Variants in ARHGAP18 observed in about 807,000 individuals in gnomAD.
The protein encoded by ARHGAP18 is rho GTPase-activating protein 18.
In ARHGAP18, 67 loss-of-function variants were observed where a neutral mutation model predicts 86.2. The ratio of observed to expected loss-of-function variants is 0.78; its 90% CI spans 0.64 to 0.95. The LOEUF (loss-of-function observed/expected upper bound fraction) is 0.95. Among genes scored for constraint, ARHGAP18 ranks in the 40% least tolerant of loss-of-function variants. ARHGAP18 has a pLI of 0.00. For synonymous variants in ARHGAP18, 283 were observed against 280.4 expected, an observed-to-expected ratio of 1.01 and a Z score of -0.09; for missense variants, 691 against 780.4, an observed-to-expected ratio of 0.89 and a Z score of 1.37.
At chr6:129,639,968 C>G (rs1050461585) in intron 2 of ARHGAP18, among the ~76,000 whole-genome samples, 13 of 144,190 alleles carry the variant, frequency 9.0e-5, no homozygotes, top group African/African-American at 3.4e-4. Flanking sequence ...TCTCTTGAAC[C>G]TGGGAGGCAG....
intron 1 of ARHGAP18, among the ~76,000 whole-genome samples, chr6:129,709,416 A>G (rs1463986898): frequency 6.6e-6 from 1 of 152,176 alleles, no homozygotes; most frequent in African/African-American, 2.4e-5. Context: ...ACCACATTTC[A>G]CTCCAGCAGC....
intron 5 of ARHGAP18, among the ~76,000 whole-genome samples, chr6:129,627,209 A>C (rs943080002): frequency 2.6e-5 from 4 of 152,174 alleles, no homozygotes; most frequent in African/African-American, 9.7e-5. Context: ...GAAAACTGTT[A>C]ATAAGTCAAC....
In ARHGAP18 at chr6:129,599,428, TA is replaced by T. The variant is rs1288721833; in HGVS notation, c.1573-73del. On this transcript the variant is annotated intron_variant, in intron 11 of 14. Transcript: ENST00000368149. ...CATTTTAAACTACAAAAAAAAATTA[TA>T]TTTTTTTAAATTTCAAAAACAGTAA... The T allele has an allele frequency of 2.4e-5, 30 of 1,267,504 alleles. No individual in the cohort carries two copies. In the East Asian group the frequency reaches 8.6e-4, roughly 36 times the overall value. The allele number at this position is 1,267,504 out of a possible 1,614,324, so 78.5% of individuals were successfully genotyped here.
chr6:129,595,213 A>G (rs933145858), intron 12 of ARHGAP18, among the ~76,000 whole-genome samples: 42 of 152,188 alleles, frequency 2.8e-4, no homozygotes, highest in African/African-American at 9.4e-4. Flanking sequence ...ATTACCCCCT[A>G]AAAATATAGC....
rs900419442 is a variant in ARHGAP18, at chr6:129,634,111, C to T, written c.553-6G>A. The stretch of plus-strand genomic sequence containing the variant: ...GATTCAGTGCCACCTGGAGCCTAAA[C>T]ATAGAAAACAGGCCATTTAGTCATC... On this transcript the variant is annotated splice_region_variant and splice_polypyrimidine_tract_variant and intron_variant, in intron 3 of 14. Transcript: ENST00000368149. The T allele has an allele frequency of 1.9e-6, 3 of 1,612,518 alleles. No homozygotes were observed. Among genetic ancestry groups the T allele is most frequent in the Admixed American group, 3.3e-5 (2 of 59,818 alleles).
rs1169795138 is a variant in ARHGAP18, at chr6:129,576,848, A to G, written c.*1665T>C. On this transcript the variant is annotated 3_prime_UTR_variant, in exon 15 of 15. Coordinates refer to ENST00000368149, the MANE Select transcript of ARHGAP18 (RefSeq NM_033515.3). ...ATTTTGCTAATTGGGAAATTAATAC[A>G]TATTGTCAAAGAAACAGACTAAACT... is the stretch of plus-strand genomic sequence containing the variant. 1.3e-5 allele frequency: 2 copies of G among 152,152 alleles called. No individual in the cohort carries two copies. The highest frequency in any genetic ancestry group is 2.9e-5 in the Non-Finnish European group (2 of 68,026). The allele number at this position is 152,152 out of a possible 1,614,324, so 9.4% of individuals were successfully genotyped here.
At chr6:129,683,012 T>G (rs970938296) in intron 1 of ARHGAP18, among the ~76,000 whole-genome samples, 1 of 152,028 alleles carries the variant, frequency 6.6e-6, no homozygotes, top group African/African-American at 2.4e-5. Context: ...CACAGACTTA[T>G]ATACTTCAGG....
At chr6:129,645,802 A>G (rs1253153659) in intron 1 of ARHGAP18, among the ~76,000 whole-genome samples, 1 of 152,078 alleles carries the variant, frequency 6.6e-6, no homozygotes, top group East Asian at 1.9e-4. Context: ...GCAAATATTC[A>G]CTTTACAGAT....
intron 1 of ARHGAP18, among the ~76,000 whole-genome samples, chr6:129,672,573 AAC>A (rs1434830337): frequency 6.6e-6 from 1 of 152,210 alleles, no homozygotes; most frequent in Admixed American, 6.5e-5. Flanking sequence ...CTACTCACCA[AAC>A]ACAGTACGAT....
At chr6:129,591,685 G>A (rs755127767) in intron 12 of ARHGAP18, among the ~76,000 whole-genome samples, 10 of 152,060 alleles carry the variant, frequency 6.6e-5, no homozygotes, top group African/African-American at 1.7e-4. Context: ...ATGTCAGACC[G>A]GTAAAAGAGG....
chr6:129,663,384 T>C (rs756685454), intron 1 of ARHGAP18, among the ~76,000 whole-genome samples: 1 of 152,244 alleles, frequency 6.6e-6, no homozygotes, highest in South Asian at 2.1e-4. Flanking sequence ...TTTTTCTTTT[T>C]TTCTAGAGAT....
chr6:129,648,469 ACTTT>A (rs1466076032), intron 1 of ARHGAP18, among the ~76,000 whole-genome samples: 2 of 151,314 alleles, frequency 1.3e-5, no homozygotes, highest in African/African-American at 4.8e-5. Context: ...TGTCCAGTGC[ACTTT>A]CTAAAATATG....
At chr6:129,652,908 G>C (rs533602440) in intron 1 of ARHGAP18, among the ~76,000 whole-genome samples, 19 of 152,148 alleles carry the variant, frequency 1.2e-4, no homozygotes, top group African/African-American at 4.1e-4. Flanking sequence ...ATATAATCGT[G>C]GTTTTCCTTA....
intron 1 of ARHGAP18, among the ~76,000 whole-genome samples, chr6:129,707,110 G>A (rs1774814066): frequency 1.3e-5 from 2 of 151,720 alleles, no homozygotes; most frequent in Non-Finnish European, 2.9e-5. Flanking sequence ...GTGCATGCCT[G>A]TGGTCCCAGC....
intron 8 of ARHGAP18, 37 bp downstream of exon 8, chr6:129,611,496 C>A: frequency 1.3e-6 from 2 of 1,577,536 alleles, no homozygotes; most frequent in African/African-American, 2.7e-5. Context: ...TGTAAATAAA[C>A]AATAAAATGT....
At chr6:129,635,222 G>A (rs1773308240) in intron 3 of ARHGAP18, among the ~76,000 whole-genome samples, 1 of 152,154 alleles carries the variant, frequency 6.6e-6, no homozygotes, top group African/African-American at 2.4e-5. Flanking sequence ...CAGACAGAAA[G>A]TGGCCATTGT....
intron 12 of ARHGAP18, among the ~76,000 whole-genome samples, chr6:129,588,883 G>A (rs752629637): frequency 6.6e-5 from 10 of 152,230 alleles, no homozygotes; most frequent in Admixed American, 6.5e-5. Flanking sequence ...AACACCACAT[G>A]TAAACTTGCC....
Position 129,600,644 on chromosome 6 carries a change from T to C in ARHGAP18, c.1570A>G (p.Thr524Ala). 6.2e-7 allele frequency: 1 copy of C among 1,612,554 alleles called. No individual in the cohort carries two copies. Among genetic ancestry groups the C allele is most frequent in the East Asian group, 2.2e-5 (1 of 44,820 alleles). The stretch of plus-strand genomic sequence containing the variant: ...CAAAGCATATGATATATACTTACTG[T>C]CCACAGAAGTTTTTGGTACTTAATC... Reference protein sequence around the residue: ...LLIKYQKLLWTIPKFIVNQVR... With the variant: ...LLIKYQKLLWAIPKFIVNQVR... The change falls in exon 11 of 15, where the codon ACA becomes GCA. Residue 524 changes from threonine to alanine, a missense_variant and splice_region_variant. Thr to Ala is a moderately conservative substitution (Grantham distance 58). Coordinates refer to ENST00000368149, the MANE Select transcript of ARHGAP18 (RefSeq NM_033515.3).
At chr6:129,615,467 T>C (rs182757881) in intron 7 of ARHGAP18, among the ~76,000 whole-genome samples, 3 of 152,320 alleles carry the variant, frequency 2.0e-5, no homozygotes, top group Non-Finnish European at 2.9e-5. Context: ...GCCAAGTAGA[T>C]TGAGCCTTAG....
Sources: gnomAD v4.1 joint callset for allele counts (sites outside exome capture counted in the v4.1 genomes callset) on GRCh38, gnomAD v4.1.1 for gene constraint, MANE v1.5 for transcripts, NCBI Gene and HGNC (gene_info 2026-07-23, HGNC 2026-07-21) for gene names.